MYO16: variants seen among roughly 807,000 people sequenced by gnomAD.
MYO16 encodes unconventional myosin-XVI.
In MYO16, 94 loss-of-function variants were observed where a neutral mutation model predicts 205.3. The ratio of observed to expected loss-of-function variants is 0.46; its 90% CI spans 0.39 to 0.54. The LOEUF (loss-of-function observed/expected upper bound fraction) is 0.54, where lower values mean the gene tolerates loss of function less well. Among genes scored for constraint, MYO16 ranks in the 20% least tolerant of loss-of-function variants. MYO16 has a pLI of 0.00. For synonymous variants in MYO16, 988 were observed against 954.0 expected (o/e 1.04, Z -0.66); for missense variants, 2,315 against 2,387.5 (o/e 0.97, Z 0.63).
rs530393980 is a variant in MYO16 at position 109,078,079 on chromosome 13, G to T, written c.3335+22484G>T. Among the ~76,000 whole-genome samples, 8 of 151,846 alleles carry T rather than the reference G, an allele frequency of 5.3e-5. 1 individual carries two copies. The highest frequency in any genetic ancestry group is 6.6e-5 in the Admixed American group (1 of 15,248). ...GTTCATCCAATTCAATGCATTTTTT[G>T]GTTTAAGTTATTGTAGTTTTTGTTT... On this transcript the variant is annotated intron_variant, in intron 27 of 34. Transcript: ENST00000457511.
chr13:108,905,968 A>G (rs1880952904), intron 15 of MYO16, among the ~76,000 whole-genome samples: 1 of 152,218 alleles, frequency 6.6e-6, no homozygotes, highest in South Asian at 2.1e-4. Flanking sequence ...TACGAGCCAC[A>G]AGGCCTGGGG....
chr13:108,565,391 A>G, the MYO16 span, among the ~76,000 whole-genome samples: 3 of 152,092 alleles, frequency 2.0e-5, no homozygotes, highest in Non-Finnish European at 2.9e-5. Flanking sequence ...GAGATATTTC[A>G]TTCATTGGTT....
chr13:108,994,246 A>G (rs1242228627), intron 21 of MYO16, among the ~76,000 whole-genome samples: 1 of 152,102 alleles, frequency 6.6e-6, no homozygotes, highest in Non-Finnish European at 1.5e-5. Flanking sequence ...GCCAAAAGCT[A>G]GCTTTAGGCA....
chr13:109,054,347 G>A, intron 25 of MYO16: 1 of 374,970 alleles, frequency 2.7e-6, no homozygotes. Context: ...TATAAAACGA[G>A]GAAGAGGAGG....
intron 1 of MYO16, among the ~76,000 whole-genome samples, chr13:108,621,095 C>T (rs1388445676): frequency 1.3e-5 from 2 of 152,216 alleles, no homozygotes; most frequent in Non-Finnish European, 2.9e-5. Flanking sequence ...TCTTCCTACT[C>T]ATCCTCTGGT....
chr13:109,093,048 A>G (rs920365013), intron 27 of MYO16, among the ~76,000 whole-genome samples: 1 of 152,202 alleles, frequency 6.6e-6, no homozygotes, highest in African/African-American at 2.4e-5. Flanking sequence ...TAGTCACAAT[A>G]CGTGAATGTA....
intron 1 of MYO16, among the ~76,000 whole-genome samples, chr13:108,644,550 T>G (rs916240233): frequency 6.6e-6 from 1 of 152,206 alleles, no homozygotes; most frequent in African/African-American, 2.4e-5. Context: ...AGACCCATAG[T>G]CTGTTTACAT....
chr13:108,867,515 C>T (rs1315373376), intron 12 of MYO16, among the ~76,000 whole-genome samples: 1 of 152,130 alleles, frequency 6.6e-6, no homozygotes, highest in Non-Finnish European at 1.5e-5. Flanking sequence ...GAGCATGAGA[C>T]GCTAGGGCAA....
At chr13:109,022,008 G>C (rs1886040430) in intron 23 of MYO16, among the ~76,000 whole-genome samples, 2 of 151,040 alleles carry the variant, frequency 1.3e-5, no homozygotes, top group Non-Finnish European at 2.9e-5. Flanking sequence ...GCCTCAGAAG[G>C]CTGGGGTGGT....
At chr13:108,948,001 G>A (rs962668540) in intron 16 of MYO16, among the ~76,000 whole-genome samples, 4 of 152,168 alleles carry the variant, frequency 2.6e-5, no homozygotes, top group Admixed American at 2.0e-4. Context: ...CTTTCCAGGT[G>A]GAGACTTGTG....
chr13:108,754,590 C>A (rs1390446070), intron 4 of MYO16, among the ~76,000 whole-genome samples: 1 of 152,020 alleles, frequency 6.6e-6, no homozygotes, highest in Non-Finnish European at 1.5e-5. Flanking sequence ...GGTTTCTTGA[C>A]CTTAAGGTGG....
Position 109,141,123 on chromosome 13 carries a change from G to T in MYO16, c.4911G>T (p.Lys1637Asn). 1.3e-6 allele frequency: 2 copies of T among 1,575,934 alleles called. No homozygotes were observed. The highest frequency in any genetic ancestry group is 1.7e-6 in the Non-Finnish European group (2 of 1,162,930). Residue 1637 changes from lysine to asparagine, a missense_variant, in exon 32 of 35, where the codon AAG (lysine) becomes AAT (asparagine). By Grantham distance (94) the Lys-to-Asn change is moderately conservative. Transcript: ENST00000457511. The surrounding 1 kb of genome is among the most constrained non-coding windows in gnomAD (Gnocchi z 4.1). Reference protein sequence around the residue: ...GKAGPSAEAPKVHPKPNSAPV... With the variant: ...GKAGPSAEAPNVHPKPNSAPV... ...CGGGGCCGAGCGCAGAGGCGCCCAA[G>T]GTTCACCCAAAGCCAAACTCTGCCC... is the stretch of plus-strand genomic sequence containing the variant.
chr13:108,505,468 A>G, the MYO16 span, among the ~76,000 whole-genome samples: 4 of 152,290 alleles, frequency 2.6e-5, no homozygotes, highest in East Asian at 7.7e-4. Context: ...TCGTTTGTAT[A>G]TCTTCTTTAG....
the MYO16 span, among the ~76,000 whole-genome samples, chr13:108,518,381 T>C: frequency 2.4e-4 from 36 of 152,168 alleles, no homozygotes; most frequent in Non-Finnish European, 4.6e-4. Context: ...ATCAAGAAGA[T>C]GTTCCAACAG....
chr13:109,031,349 C>A (rs1886542670), intron 23 of MYO16, among the ~76,000 whole-genome samples: 1 of 152,136 alleles, frequency 6.6e-6, no homozygotes, highest in African/African-American at 2.4e-5. Flanking sequence ...GCCTTGGCCT[C>A]CCAAACTGCT....
At chr13:108,897,985 C>T (rs375267031) in intron 14 of MYO16, 31 bp from the exon 15 acceptor site, 48 of 1,470,530 alleles carry the variant, frequency 3.3e-5, no homozygotes, top group Non-Finnish European at 4.1e-5. Context: ...AAAATATGAG[C>T]AGTTCAGTAA....
intron 34 of MYO16, among the ~76,000 whole-genome samples, chr13:109,186,609 AACAC>A (rs112011251): frequency 1.0e-4 from 15 of 149,562 alleles, no homozygotes; most frequent in Middle Eastern, 3.5e-3. Flanking sequence ...TAAGCTTTTC[AACAC>A]ACACACACAC....
At position 108,676,406 on chromosome 13, in the gene MYO16, T is replaced by TGTGTGTGTGC. The variant is rs1014807300; in HGVS notation, c.292+10258_292+10259insTGTGTGTGCG. On this transcript the variant is annotated intron_variant, in intron 2 of 34. Transcript: ENST00000457511. Reference sequence around the variant, plus strand: ...GTGTGTGTGTGTGTGTGTGTGTGTGTGCCAGCCATCTCTCTAAACACTTTA... The same window carrying TGTGTGTGTGC: ...GTGTGTGTGTGTGTGTGTGTGTGTGTGTGTGTGTGCGCCAGCCATCTCTCTAAACACTTTA... Among the ~76,000 whole-genome samples the TGTGTGTGTGC allele has an allele frequency of 1.7e-4, 26 of 148,866 alleles. No individual in the cohort carries two copies. The East Asian group carries it at 4.5e-3, about 26-fold the overall frequency.
chr13:108,553,757 G>A, the MYO16 span, among the ~76,000 whole-genome samples: 19 of 151,742 alleles, frequency 1.3e-4, no homozygotes, highest in South Asian at 2.1e-4. Context: ...GTCTTCCCCC[G>A]ATATTTTAAG....
Sources: allele counts gnomAD v4.1 joint callset (sites outside exome capture counted in the v4.1 genomes callset), GRCh38; gene constraint gnomAD v4.1.1; non-coding constraint Gnocchi (gnomAD v3.1); transcripts MANE v1.5; gene names NCBI Gene and HGNC (gene_info 2026-07-23, HGNC 2026-07-21).